Variants in PLCE1 observed in about 807,000 individuals in gnomAD.
PLCE1 encodes phospholipase C epsilon 1.
In PLCE1, 119 loss-of-function variants were observed where a neutral mutation model predicts 242.8. The ratio of observed to expected loss-of-function variants is 0.49; its 90% CI spans 0.42 to 0.57. The LOEUF (loss-of-function observed/expected upper bound fraction) is 0.57. Ranked by LOEUF, PLCE1 falls within the 20% of genes least tolerant of loss-of-function variation. The pLI is 0.00. For missense variants in PLCE1, 2,441 were observed against 2,788.8 expected (o/e 0.88, Z 2.81); for synonymous variants, 945 against 1,017.4 (o/e 0.93, Z 1.35).
intron 24 of PLCE1, among the ~76,000 whole-genome samples, chr10:94,299,202 T>C (rs1232797657): frequency 6.6e-6 from 1 of 152,202 alleles, no homozygotes; most frequent in African/African-American, 2.4e-5. Flanking sequence ...AGTGATCATG[T>C]TTCTCCAATG....
intron 3 of PLCE1, among the ~76,000 whole-genome samples, chr10:94,133,027 T>C (rs986151655): frequency 6.6e-6 from 1 of 152,224 alleles, no homozygotes; most frequent in South Asian, 2.1e-4. Context: ...CTTTAATTTT[T>C]TTTTAAATGA....
chr10:94,032,806 C>G (rs572094708), intron 2 of PLCE1, among the ~76,000 whole-genome samples: 32 of 152,080 alleles, frequency 2.1e-4, no homozygotes, highest in African/African-American at 7.5e-4. Flanking sequence ...ATACATTTAT[C>G]ATGATTTTTT....
intron 1 of PLCE1, among the ~76,000 whole-genome samples, chr10:93,995,074 G>A (rs1460339570): frequency 1.3e-5 from 2 of 152,146 alleles, no homozygotes. Context: ...GGTAGGGCAG[G>A]GCCGCTGCCA....
intron 23 of PLCE1, among the ~76,000 whole-genome samples, chr10:94,295,455 C>T (rs1289805228): frequency 6.6e-6 from 1 of 152,156 alleles, no homozygotes; most frequent in Non-Finnish European, 1.5e-5. Context: ...GCAGGCTATA[C>T]TTCTAGTTCT....
intron 32 of PLCE1, among the ~76,000 whole-genome samples, chr10:94,327,455 G>A (rs565800199): frequency 2.0e-5 from 3 of 152,086 alleles, no homozygotes; most frequent in Non-Finnish European, 4.4e-5. Context: ...AATTCCTGTA[G>A]TCCCAGCTAC....
intron 2 of PLCE1, among the ~76,000 whole-genome samples, chr10:94,061,975 GT>G (rs963781152): frequency 1.2e-4 from 19 of 152,342 alleles, no homozygotes; most frequent in African/African-American, 3.4e-4. Context: ...CGTTGGGCAA[GT>G]TTCTTGACCT....
intron 22 of PLCE1, among the ~76,000 whole-genome samples, chr10:94,288,038 A>G (rs969056111): frequency 3.9e-5 from 6 of 152,174 alleles, no homozygotes; most frequent in African/African-American, 1.4e-4. Context: ...CTAGATACCC[A>G]GTTGTTCCAC....
intron 4 of PLCE1, chr10:94,227,000 C>T: frequency 2.8e-6 from 1 of 351,858 alleles, no homozygotes; most frequent in South Asian, 2.3e-5. Flanking sequence ...CCTCAGCTTC[C>T]CAAGTAGTTG....
At chr10:94,145,035 C>A (rs932692444) in intron 3 of PLCE1, among the ~76,000 whole-genome samples, 1 of 152,136 alleles carries the variant, frequency 6.6e-6, no homozygotes, top group Admixed American at 6.5e-5. Flanking sequence ...AGTAGTGACA[C>A]AATAAGACTT....
intron 1 of PLCE1, among the ~76,000 whole-genome samples, chr10:94,001,351 T>G (rs2060926813): frequency 1.3e-5 from 2 of 152,016 alleles, no homozygotes; most frequent in Non-Finnish European, 2.9e-5. Flanking sequence ...TAATGAAAGG[T>G]CTCCTTTAGA....
At chr10:94,154,526 C>T (rs890947165) in intron 3 of PLCE1, among the ~76,000 whole-genome samples, 2 of 152,082 alleles carry the variant, frequency 1.3e-5, no homozygotes, top group East Asian at 3.9e-4. Context: ...AGGCAACCTA[C>T]AGAATGGGAG....
chr10:94,013,205 C>A (rs2061207084), intron 1 of PLCE1, among the ~76,000 whole-genome samples: 1 of 152,200 alleles, frequency 6.6e-6, no homozygotes, highest in Admixed American at 6.5e-5. Context: ...CTCTGAGAGG[C>A]CTCACCTTGT....
rs141540280 is a variant in PLCE1, at chr10:94,306,090, G to T, written c.5623-337G>T. Among the ~76,000 whole-genome samples the T allele has an allele frequency of 6.6e-6, 1 of 151,962 alleles. No individual in the cohort carries two copies. The highest frequency in any genetic ancestry group is 1.9e-4 in the East Asian group (1 of 5,142). On this transcript the variant is annotated intron_variant, in intron 25 of 32. Coordinates refer to ENST00000371380, the MANE Select transcript of PLCE1 (RefSeq NM_016341.4). This position sits in a 1 kb window ranked among gnomAD's most constrained non-coding sequence, Gnocchi z 5.7. ...GGGTTCAAGCAATTCCCCTGCCTCA[G>T]CCTCCCTAATAGCTGGGACTACAGG...
Position 94,316,752 on chromosome 10 carries a change from A to G in PLCE1, c.6338A>G (p.Gln2113Arg), listed in dbSNP as rs2053588328. ...YMGRIVLKTQ[Q>R]ENLEEKNIVQ... Reference sequence around the variant, plus strand: ...GGCAGGATTGTCTTAAAAACCCAGCAGGAAGTAAGTGTGTCTGGGTGCAGC... The same window carrying G: ...GGCAGGATTGTCTTAAAAACCCAGCGGGAAGTAAGTGTGTCTGGGTGCAGC... Residue 2113 changes from glutamine (Q) to arginine (R), a missense_variant, in exon 29 of 33, where the codon CAG becomes CGG. Physicochemically the swap from Gln to Arg is conservative, Grantham distance 43. This residue lies in a region of PLCE1 where 310 missense variants were observed against 317.2 expected (regional missense o/e 0.98). Coordinates refer to ENST00000371380, the MANE Select transcript of PLCE1 (RefSeq NM_016341.4). 2 of 1,611,174 alleles carry G rather than the reference A, an allele frequency of 1.2e-6. No homozygotes were observed. Among genetic ancestry groups the G allele is most frequent in the African/African-American group, 2.7e-5 (2 of 75,018 alleles).
chr10:94,264,023 A>T (rs1038522043), intron 14 of PLCE1, among the ~76,000 whole-genome samples: 9 of 152,188 alleles, frequency 5.9e-5, no homozygotes, highest in African/African-American at 2.2e-4. Flanking sequence ...GGAGGTGGGA[A>T]TATAGCAGAG....
intron 19 of PLCE1, 88 bp downstream of exon 19, chr10:94,273,808 C>G: frequency 2.4e-6 from 3 of 1,229,768 alleles, no homozygotes; most frequent in Non-Finnish European, 3.6e-6. Context: ...AGATGACCTG[C>G]TGGTTTACTA....
chr10:94,311,637 T>C (rs1275174126), intron 27 of PLCE1, among the ~76,000 whole-genome samples: 1 of 152,206 alleles, frequency 6.6e-6, no homozygotes, highest in East Asian at 1.9e-4. Flanking sequence ...TTCAAATCCA[T>C]TCATCTTGAT....
chr10:94,110,571 T>C (rs529735535), intron 2 of PLCE1, among the ~76,000 whole-genome samples: 5 of 152,308 alleles, frequency 3.3e-5, no homozygotes, highest in African/African-American at 1.2e-4. Context: ...AACTTTATAG[T>C]AATATGGAGA....
chr10:94,306,762 C>G lies in PLCE1; in HGVS notation c.5884+74C>G. The G allele has an allele frequency of 8.8e-7, 1 of 1,132,316 alleles. No individual in the cohort carries two copies. The highest frequency in any genetic ancestry group is 2.0e-5 in the Admixed American group (1 of 50,766). The allele number at this position is 1,132,316 out of a possible 1,614,324, so 70.1% of individuals were successfully genotyped here. On this transcript the variant is annotated intron_variant, in intron 26 of 32. Coordinates refer to ENST00000371380, the MANE Select transcript of PLCE1 (RefSeq NM_016341.4). The surrounding 1 kb of genome is among the most constrained non-coding windows in gnomAD (Gnocchi z 5.7). The stretch of plus-strand genomic sequence containing the variant: ...GATGCCAGAATTTCCTTATACTCTT[C>G]TCTCTTTTCTGTTTGACATTTTCCT...
Sources: allele counts gnomAD v4.1 joint callset (sites outside exome capture counted in the v4.1 genomes callset), GRCh38; gene constraint gnomAD v4.1.1; regional missense constraint gnomAD v4.1.1; non-coding constraint Gnocchi (gnomAD v3.1); transcripts MANE v1.5; gene names NCBI Gene and HGNC (gene_info 2026-07-23, HGNC 2026-07-21).